Variants in THSD7B observed in about 807,000 individuals in gnomAD.
The protein encoded by THSD7B is thrombospondin type-1 domain-containing protein 7B.
THSD7B carries 138 observed loss-of-function variants against 213.6 expected under a neutral mutation model. The ratio of observed to expected loss-of-function variants is 0.65; its 90% CI spans 0.56 to 0.74. The LOEUF (loss-of-function observed/expected upper bound fraction) is 0.74, where lower values mean the gene tolerates loss of function less well. Among genes scored for constraint, THSD7B ranks in the 30% least tolerant of loss-of-function variants. The pLI, the probability that THSD7B is intolerant of heterozygous loss-of-function variation, is 0.00. For missense variants in THSD7B, 1,931 were observed against 1,991.5 expected, an observed-to-expected ratio of 0.97 and a Z score of 0.58; for synonymous variants, 742 against 687.0, an observed-to-expected ratio of 1.08 and a Z score of -1.25.
chr2:137,306,497 G>C (rs1683748639), intron 12 of THSD7B, among the ~76,000 whole-genome samples: 1 of 152,100 alleles, frequency 6.6e-6, no homozygotes, highest in East Asian at 1.9e-4. Flanking sequence ...AGAAGGATTT[G>C]TCAATGTGTT....
chr2:137,275,487 C>T (rs1453707187), intron 11 of THSD7B, among the ~76,000 whole-genome samples: 1 of 151,298 alleles, frequency 6.6e-6, no homozygotes, highest in Non-Finnish European at 1.5e-5. Context: ...CCTTTATTCT[C>T]TAACGCACCA....
chr2:137,596,470 T>G (rs761186208), intron 17 of THSD7B, among the ~76,000 whole-genome samples: 26 of 152,018 alleles, frequency 1.7e-4, no homozygotes, highest in African/African-American at 5.8e-4. Flanking sequence ...GAAACCAAAA[T>G]CTTATCATCA....
intron 5 of THSD7B, among the ~76,000 whole-genome samples, chr2:137,144,026 C>A (rs1679643003): frequency 6.6e-6 from 1 of 151,988 alleles, no homozygotes; most frequent in East Asian, 1.9e-4. Flanking sequence ...ACCAACTTGA[C>A]TCTACAGGTA....
intron 21 of THSD7B, among the ~76,000 whole-genome samples, chr2:137,654,043 G>C (rs930953561): frequency 6.6e-6 from 1 of 151,868 alleles, no homozygotes; most frequent in African/African-American, 2.4e-5. Flanking sequence ...AGTGTGGCTT[G>C]TTTTGGTTTT....
chr2:137,139,466 C>T (rs893723643), intron 5 of THSD7B, among the ~76,000 whole-genome samples: 8 of 152,152 alleles, frequency 5.3e-5, no homozygotes, highest in African/African-American at 1.9e-4. Context: ...ACTCACTGAC[C>T]AGTGCTTCGG....
intron 12 of THSD7B, among the ~76,000 whole-genome samples, chr2:137,375,502 A>G (rs905903445): frequency 6.6e-6 from 1 of 152,210 alleles, no homozygotes; most frequent in African/African-American, 2.4e-5. Flanking sequence ...GCAACTTTTC[A>G]GGAATCCATC....
intron 26 of THSD7B, 60 bp downstream of exon 26, chr2:137,663,635 C>A: frequency 7.0e-7 from 1 of 1,422,522 alleles, no homozygotes; most frequent in South Asian, 1.4e-5. Context: ...ATATTTTGAC[C>A]ACTTCTCATG....
intron 1 of THSD7B, among the ~76,000 whole-genome samples, chr2:136,880,635 A>C (rs908830089): frequency 7.2e-5 from 11 of 152,062 alleles, no homozygotes; most frequent in Non-Finnish European, 1.5e-4. Flanking sequence ...CTAAGTTTGC[A>C]GTCTTTCTGT....
chr2:137,552,473 T>C (rs963622564), intron 15 of THSD7B, among the ~76,000 whole-genome samples: 1 of 152,152 alleles, frequency 6.6e-6, no homozygotes, highest in African/African-American at 2.4e-5. Flanking sequence ...TTTTTTTCCT[T>C]TTTTTCCTGT....
chr2:137,582,129 A>AAAAT (rs113781677), intron 17 of THSD7B, among the ~76,000 whole-genome samples: 5,240 of 143,392 alleles, frequency 0.037, 259 homozygotes, highest in African/African-American at 0.11. Context: ...TAGATAAATA[A>AAAAT]AAATAAATTA....
chr2:137,161,292 T>C (rs1680013709), intron 6 of THSD7B, among the ~76,000 whole-genome samples: 1 of 152,148 alleles, frequency 6.6e-6, no homozygotes, highest in Admixed American at 6.5e-5. Flanking sequence ...TTCCCTTAAA[T>C]GACAGTACTA....
intron 10 of THSD7B, among the ~76,000 whole-genome samples, chr2:137,251,415 A>G (rs1442300337): frequency 6.6e-6 from 1 of 152,158 alleles, no homozygotes. Flanking sequence ...ATGAAGTTGT[A>G]TGACTATCTC....
At chr2:137,179,437 C>T (rs35064285) in intron 7 of THSD7B, among the ~76,000 whole-genome samples, 7,017 of 152,006 alleles carry the variant, frequency 0.046, 199 homozygotes, top group Admixed American at 0.069. Flanking sequence ...AAGTAATGAA[C>T]ATGGATAAAA....
At chr2:137,161,407 G>A (rs1672778291) in intron 6 of THSD7B, among the ~76,000 whole-genome samples, 1 of 151,870 alleles carries the variant, frequency 6.6e-6, no homozygotes, top group African/African-American at 2.4e-5. Context: ...AACACTTGAT[G>A]CTAGCATGCT....
At chr2:137,172,327 C>G (rs571773345) in intron 7 of THSD7B, among the ~76,000 whole-genome samples, 5 of 152,196 alleles carry the variant, frequency 3.3e-5, no homozygotes, top group African/African-American at 1.2e-4. Flanking sequence ...GAGATGATCA[C>G]CAGAAAGACC....
intron 2 of THSD7B, among the ~76,000 whole-genome samples, chr2:136,887,300 T>TTGTGTGTGTGTGTGTGTGTG (rs3084772): frequency 8.8e-5 from 13 of 148,464 alleles, no homozygotes; most frequent in African/African-American, 3.0e-4. Flanking sequence ...TCCATATTTG[T>TTGTGTGTGTGTGTGTGTGTG]TGTGTGTGTG....
chr2:137,327,758 TTG>T (rs1430281639), intron 12 of THSD7B, among the ~76,000 whole-genome samples: 2 of 152,316 alleles, frequency 1.3e-5, no homozygotes, highest in Non-Finnish European at 2.9e-5. Flanking sequence ...AGTTTTAGAA[TTG>T]TTAGATAATA....
At chr2:137,584,630 G>C (rs1681672981) in intron 17 of THSD7B, among the ~76,000 whole-genome samples, 1 of 152,092 alleles carries the variant, frequency 6.6e-6, no homozygotes, top group African/African-American at 2.4e-5. Flanking sequence ...TTATATGCTG[G>C]ATTATGTTTA....
At chr2:137,209,547 T>A (rs1681056160) in intron 7 of THSD7B, among the ~76,000 whole-genome samples, 1 of 152,064 alleles carries the variant, frequency 6.6e-6, no homozygotes, top group Non-Finnish European at 1.5e-5. Context: ...TTTTTTAAAG[T>A]CTGGTCATAT....
Sources: gnomAD v4.1 joint callset for allele counts (sites outside exome capture counted in the v4.1 genomes callset) on GRCh38, gnomAD v4.1.1 for gene constraint, MANE v1.5 for transcripts, NCBI Gene and HGNC (gene_info 2026-07-23, HGNC 2026-07-21) for gene names.